PPAT: variants seen among roughly 807,000 people sequenced by gnomAD.
The protein encoded by PPAT is phosphoribosyl pyrophosphate amidotransferase.
In PPAT, 20 loss-of-function variants were observed where a neutral mutation model predicts 60.2. That is an observed-to-expected ratio of 0.33 (90% CI 0.23 to 0.48). PPAT has a LOEUF of 0.48. PPAT is among the 20% of genes least tolerant of loss of function. The pLI, the probability that PPAT is intolerant of heterozygous loss-of-function variation, is 0.99. For missense variants in PPAT, 349 were observed against 629.6 expected (o/e 0.55, Z 4.77); for synonymous variants, 194 against 215.1 (o/e 0.90, Z 0.86).
Position 56,435,291 on chromosome 4 carries a change from G to T in PPAT, c.128+59C>A, listed in dbSNP as rs1717843636. 2.5e-6 allele frequency: 4 copies of T among 1,604,728 alleles called. No individual in the cohort carries two copies. The African/African-American group carries it at 5.3e-5, about 21-fold the overall frequency. Reference sequence around the variant, plus strand: ...GGGCGCTCATGAGAACGCCGACTGCGGGAAGCGGCTCCGAGAGATGGAGAC... The same window carrying T: ...GGGCGCTCATGAGAACGCCGACTGCTGGAAGCGGCTCCGAGAGATGGAGAC... On this transcript the variant is annotated intron_variant, in intron 1 of 10. Transcript: ENST00000264220.
At position 56,396,481 on chromosome 4, in the gene PPAT, T is replaced by C. The variant is rs566943962; in HGVS notation, c.1357+138A>G. 158 of 827,364 alleles carry C rather than the reference T, an allele frequency of 1.9e-4. No individual in the cohort carries two copies. Among genetic ancestry groups the C allele is most frequent in the East Asian group, 1.2e-3 (41 of 35,338 alleles). 51.3% of individuals were successfully genotyped at this position (827,364 alleles called of 1,614,324 possible). On this transcript the variant is annotated intron_variant, in intron 10 of 10. Coordinates refer to ENST00000264220, the MANE Select transcript of PPAT (RefSeq NM_002703.5). The surrounding 1 kb of genome is among the most constrained non-coding windows in gnomAD (Gnocchi z 4.6). ...TGCCCACTACTCTCACTGTTGAGAA[T>C]AGTATTCAATATCTGTTTAACATAT...
chr4:56,424,577 A>G (rs1717198595), intron 1 of PPAT, among the ~76,000 whole-genome samples: 1 of 152,246 alleles, frequency 6.6e-6, no homozygotes, highest in Non-Finnish European at 1.5e-5. Flanking sequence ...TATGTTAAGT[A>G]AAAAGAAGTG....
intron 1 of PPAT, among the ~76,000 whole-genome samples, chr4:56,411,467 T>A (rs1328901224): frequency 6.6e-6 from 1 of 152,240 alleles, no homozygotes; most frequent in Non-Finnish European, 1.5e-5. Context: ...GAAGATTTAG[T>A]ACATGAAATG....
At chr4:56,401,254 G>A in intron 7 of PPAT, 76 bp downstream of exon 7, 1 of 1,357,034 alleles carries the variant, frequency 7.4e-7, no homozygotes, top group Non-Finnish European at 1.0e-6. Flanking sequence ...GTAAGCCTTT[G>A]AGGCAAGAAT....
Position 56,400,792 on chromosome 4 carries a change from C to T in PPAT, c.1006G>A (p.Ala336Thr). The T allele has an allele frequency of 1.2e-6, 2 of 1,612,352 alleles. No individual in the cohort carries two copies. The highest frequency in any genetic ancestry group is 1.7e-6 in the Non-Finnish European group (2 of 1,179,088). The change falls in exon 8 of 11, where the codon GCA becomes ACA. Residue 336 changes from alanine (A) to threonine (T), a missense_variant. Physicochemically the swap from Ala to Thr is moderately conservative, Grantham distance 58. Coordinates refer to ENST00000264220, the MANE Select transcript of PPAT (RefSeq NM_002703.5). Reference protein sequence around the residue: ...ESATPAALAYAGKCGLPYVEV... With the variant: ...ESATPAALAYTGKCGLPYVEV... ...TAATTAAGAGAAAATACCTTTCCTG[C>T]GTAAGCAAGAGCAGCAGGCGTAGCA...
intron 8 of PPAT, chr4:56,400,044 T>A (rs1473440859): frequency 1.3e-5 from 2 of 152,260 alleles, no homozygotes; most frequent in Admixed American, 1.3e-4. Flanking sequence ...ACGTTTATTT[T>A]AATATTAAGT....
At chr4:56,414,038 C>T (rs556323447) in intron 1 of PPAT, among the ~76,000 whole-genome samples, 1 of 152,250 alleles carries the variant, frequency 6.6e-6, no homozygotes, top group African/African-American at 2.4e-5. Flanking sequence ...TACAATTTTA[C>T]AAACTGACCA....
At chr4:56,399,964 T>C (rs1264901121) in intron 8 of PPAT, 3 of 152,328 alleles carry the variant, frequency 2.0e-5, no homozygotes, top group Admixed American at 6.5e-5. Flanking sequence ...TAAATGAACA[T>C]AAACAGCTTT....
At chr4:56,432,874 AG>A (rs1717673229) in intron 1 of PPAT, among the ~76,000 whole-genome samples, 1 of 151,558 alleles carries the variant, frequency 6.6e-6, no homozygotes, top group Non-Finnish European at 1.5e-5. Context: ...ACCTTTTTGC[AG>A]TTGTTTTAAA....
chr4:56,418,626 CCTTT>C (rs1423834224), intron 1 of PPAT, among the ~76,000 whole-genome samples: 1 of 152,100 alleles, frequency 6.6e-6, no homozygotes, highest in Non-Finnish European at 1.5e-5. Context: ...GCCAAAAATT[CCTTT>C]CTTTAATAAT....
intron 1 of PPAT, chr4:56,429,034 C>T (rs1046912233): frequency 2.6e-6 from 2 of 762,142 alleles, no homozygotes; most frequent in East Asian, 1.3e-4. Flanking sequence ...ACAAGTTCTT[C>T]CACACAGTGG....
intron 1 of PPAT, among the ~76,000 whole-genome samples, chr4:56,417,095 C>T (rs139545989): frequency 4.6e-5 from 7 of 152,248 alleles, no homozygotes; most frequent in East Asian, 1.9e-4. Context: ...GTGATCCACC[C>T]GCCTCGGCCT....
Position 56,396,637 on chromosome 4 carries a change from G to C in PPAT, c.1339C>G (p.His447Asp), listed in dbSNP as rs780663607. ...ELIANKPEFDHLAEYLGANSV... is the reference protein window; with the variant it reads ...ELIANKPEFDDLAEYLGANSV... ...TACTTACCTAGATATTCTGCAAGGT[G>C]ATCAAATTCTGGTTTATTGGCAATG... The change falls in exon 10 of 11, where the codon CAC becomes GAC. Residue 447 changes from histidine to aspartate, a missense_variant. Transcript: ENST00000264220. The surrounding 1 kb of genome is among the most constrained non-coding windows in gnomAD (Gnocchi z 4.6). 15 of 1,606,230 alleles carry C rather than the reference G, an allele frequency of 9.3e-6. No individual in the cohort carries two copies. The highest frequency in any genetic ancestry group is 2.2e-5 in the East Asian group (1 of 44,748).
At chr4:56,404,671 T>G (rs947204325) in intron 3 of PPAT, among the ~76,000 whole-genome samples, 21 of 143,086 alleles carry the variant, frequency 1.5e-4, no homozygotes, top group African/African-American at 5.4e-4. Context: ...ATATTTATAC[T>G]TTCATGATTG....
chr4:56,411,935 T>A (rs896650567), intron 1 of PPAT, among the ~76,000 whole-genome samples: 1 of 152,222 alleles, frequency 6.6e-6, no homozygotes, highest in Non-Finnish European at 1.5e-5. Flanking sequence ...CTACATTCTT[T>A]CCATTTCTGA....
In PPAT at chr4:56,399,445, A is replaced by C. The variant is rs1284206670; in HGVS notation, c.1015-45T>G. 3 of 1,373,588 alleles carry C rather than the reference A, an allele frequency of 2.2e-6. No homozygotes were observed. In the African/African-American group the frequency reaches 4.4e-5, roughly 20 times the overall value. The allele number at this position is 1,373,588 out of a possible 1,614,324, so 85.1% of individuals were successfully genotyped here. A position where few individuals can be genotyped will look rare whatever the true frequency, so the allele number is the denominator to read the frequency against. Reference sequence around the variant, plus strand: ...AGGATAATGAGGAGTAATATACAGAATAGGCAAATATTTTCTCTAGGTTGT... The same window carrying C: ...AGGATAATGAGGAGTAATATACAGACTAGGCAAATATTTTCTCTAGGTTGT... On this transcript the variant is annotated intron_variant, in intron 8 of 10. Coordinates refer to ENST00000264220, the MANE Select transcript of PPAT (RefSeq NM_002703.5).
At chr4:56,422,792 T>G (rs1193175983) in intron 1 of PPAT, 1 of 152,136 alleles carries the variant, frequency 6.6e-6, no homozygotes, top group Non-Finnish European at 1.5e-5. Context: ...TCAAAACACA[T>G]AAATGAAAGG....
chr4:56,428,990 A>G (rs1181922908), intron 1 of PPAT: 8 of 976,340 alleles, frequency 8.2e-6, no homozygotes, highest in Non-Finnish European at 9.7e-6. Flanking sequence ...CTTCAAGAGA[A>G]AAGCACATGA....
In PPAT at chr4:56,401,494, T is replaced by C. The variant is rs765900038; in HGVS notation, c.735-13A>G. 1.6e-5 allele frequency: 25 copies of C among 1,575,750 alleles called. No homozygotes were observed. In the Admixed American group the frequency reaches 3.8e-4, roughly 24 times the overall value. On this transcript the variant is annotated splice_polypyrimidine_tract_variant and intron_variant, in intron 6 of 10. Coordinates refer to ENST00000264220, the MANE Select transcript of PPAT (RefSeq NM_002703.5). The stretch of plus-strand genomic sequence containing the variant: ...TTCACGGTAATATCTTGGGAAACAA[T>C]GTTAAAGAAAGAAGACTTTTAATAA...
Sources: gnomAD v4.1 joint callset for allele counts (sites outside exome capture counted in the v4.1 genomes callset) on GRCh38, gnomAD v4.1.1 for gene constraint, Gnocchi (gnomAD v3.1) non-coding constraint, MANE v1.5 for transcripts, NCBI Gene and HGNC (gene_info 2026-07-23, HGNC 2026-07-21) for gene names.